Variants in RUFY3 observed in about 807,000 individuals in gnomAD.
RUFY3 encodes protein RUFY3.
Under a neutral mutation model 84.0 loss-of-function variants are expected in RUFY3, and 34 were observed. The ratio of observed to expected loss-of-function variants is 0.40; its 90% CI spans 0.31 to 0.54. The LOEUF is 0.54. Among genes scored for constraint, RUFY3 ranks in the 20% least tolerant of loss-of-function variants. The pLI, the probability that RUFY3 is intolerant of heterozygous loss-of-function variation, is 0.39. For synonymous variants in RUFY3, 242 were observed against 252.9 expected, an observed-to-expected ratio of 0.96 and a Z score of 0.41; for missense variants, 507 against 736.8, an observed-to-expected ratio of 0.69 and a Z score of 3.61.
intron 1 of RUFY3, among the ~76,000 whole-genome samples, chr4:70,740,167 G>A (rs1721100649): frequency 6.6e-6 from 1 of 152,114 alleles, no homozygotes; most frequent in South Asian, 2.1e-4. Flanking sequence ...AGAATGGCAT[G>A]TTACCTATTG....
chr4:70,792,741 G>A (rs564921873), intron 12 of RUFY3: 2 of 985,314 alleles, frequency 2.0e-6, no homozygotes, highest in Admixed American at 1.2e-4. Flanking sequence ...GATTCCATGT[G>A]TGCTTATATA....
At chr4:70,775,326 T>C in intron 7 of RUFY3, 93 bp downstream of exon 7, 1 of 800,326 alleles carries the variant, frequency 1.2e-6, no homozygotes, top group South Asian at 2.0e-5. Context: ...ATTCAGACAG[T>C]GTTCAACAAA....
upstream of RUFY3, among the ~76,000 whole-genome samples, chr4:70,721,331 G>A (rs1049560276): frequency 5.9e-5 from 9 of 151,886 alleles, no homozygotes; most frequent in Non-Finnish European, 1.3e-4. Context: ...CGTATTTTAT[G>A]CTTAATACAG....
rs567860496 is a variant in RUFY3 at position 70,775,097 on chromosome 4, T to A, written c.759-71T>A. The A allele has an allele frequency of 7.8e-4, 748 of 964,504 alleles. 1 individual carries two copies. The highest frequency in any genetic ancestry group is 9.1e-4 in the Non-Finnish European group (598 of 657,546). The allele number at this position is 964,504 out of a possible 1,614,324, so 59.7% of individuals were successfully genotyped here. ...TCTCATGTTTTATGAAAAGATGGGG[T>A]GGGGTGGGGTTGGGATCTTGGTATT... is the stretch of plus-strand genomic sequence containing the variant. On this transcript the variant is annotated intron_variant, in intron 6 of 17. Coordinates refer to ENST00000381006, the MANE Select transcript of RUFY3 (RefSeq NM_001037442.4).
At chr4:70,711,267 G>A (rs1005691326) in intron 1 of RUFY3, among the ~76,000 whole-genome samples, 12 of 151,996 alleles carry the variant, frequency 7.9e-5, no homozygotes, top group African/African-American at 2.7e-4. Context: ...CCTCAAGCAC[G>A]TGTTAATCAG....
intron 3 of RUFY3, 59 bp from the exon 4 acceptor site, chr4:70,764,416 C>A: frequency 8.7e-7 from 1 of 1,144,386 alleles, no homozygotes. Flanking sequence ...ACTGATTCTA[C>A]TGTAGCCTTT....
At chr4:70,794,952 A>T (rs1461784842) in intron 14 of RUFY3, 58 bp downstream of exon 14, 8 of 1,116,942 alleles carry the variant, frequency 7.2e-6, no homozygotes, top group Non-Finnish European at 1.1e-5. Context: ...TTTAGAGGCT[A>T]CCTTGATAGT....
intron 1 of RUFY3, among the ~76,000 whole-genome samples, chr4:70,731,624 G>A (rs1292016438): frequency 6.6e-6 from 1 of 152,134 alleles, no homozygotes; most frequent in Non-Finnish European, 1.5e-5. Flanking sequence ...CTGGAGTGCA[G>A]TGGCGCAGTC....
intron 14 of RUFY3, 88 bp from the exon 15 acceptor site, chr4:70,800,053 A>G: frequency 7.8e-7 from 1 of 1,274,864 alleles, no homozygotes; most frequent in Non-Finnish European, 1.1e-6. Flanking sequence ...CTTTATACCC[A>G]AACTAAGGCA....
chr4:70,705,280 G>C, exon 1 of RUFY3: 2 of 1,428,918 alleles, frequency 1.4e-6, no homozygotes, highest in Non-Finnish European at 1.8e-6. Flanking sequence ...GGCAGCAGCG[G>C]CAGCGGCAAG....
chr4:70,735,434 A>G (rs1421878460), intron 1 of RUFY3, among the ~76,000 whole-genome samples: 1 of 152,258 alleles, frequency 6.6e-6, no homozygotes, highest in African/African-American at 2.4e-5. Flanking sequence ...ATACATGTGT[A>G]GAGGAACAGT....
chr4:70,711,956 A>G (rs1741048710), intron 1 of RUFY3, among the ~76,000 whole-genome samples: 1 of 152,036 alleles, frequency 6.6e-6, no homozygotes. Context: ...CTGGCCTGGC[A>G]TTATCAAAAA....
intron 1 of RUFY3, among the ~76,000 whole-genome samples, chr4:70,745,271 T>C (rs1722018425): frequency 1.3e-5 from 2 of 152,310 alleles, no homozygotes; most frequent in Admixed American, 1.3e-4. Context: ...TGATGATTAG[T>C]TTCATATTCT....
At position 70,737,621 on chromosome 4, in the gene RUFY3, G is replaced by A. The variant is rs189692813; in HGVS notation, c.178+14870G>A. Among the ~76,000 whole-genome samples, 7 of 151,550 alleles carry A rather than the reference G, an allele frequency of 4.6e-5. 1 individual carries two copies. The highest frequency in any genetic ancestry group is 1.7e-4 in the African/African-American group (7 of 41,278). ...CTCCTTAGCGTTCTAGTGTCACCTA[G>A]CTGCTCACCTAAGAATCTGTTTTAT... On this transcript the variant is annotated intron_variant, in intron 1 of 17. Coordinates refer to ENST00000381006, the MANE Select transcript of RUFY3 (RefSeq NM_001037442.4).
At chr4:70,708,944 A>T (rs886408092) in intron 1 of RUFY3, among the ~76,000 whole-genome samples, 1 of 152,186 alleles carries the variant, frequency 6.6e-6, no homozygotes, top group Non-Finnish European at 1.5e-5. Flanking sequence ...TCTGGTGCCA[A>T]CTACTCAGGA....
rs765813373 is a variant in RUFY3 at position 70,806,587 on chromosome 4, T to G, written c.1791T>G (p.Ser597Arg). The G allele has an allele frequency of 2.6e-5, 42 of 1,614,086 alleles. No individual in the cohort carries two copies. Among genetic ancestry groups the G allele is most frequent in the Non-Finnish European group, 3.5e-5 (41 of 1,180,016 alleles). ...CSTNELPLPS[S>R]IKLERVCNPC... ...CAAATGAACTGCCTCTTCCTTCAAGTATCAAGCTTGAGCGAGTTTGCAATC... is the reference window on the plus strand; with the variant it reads ...CAAATGAACTGCCTCTTCCTTCAAGGATCAAGCTTGAGCGAGTTTGCAATC... The change falls in exon 18 of 18, where the codon AGT becomes AGG. Residue 597 changes from serine to arginine, a missense_variant. Ser to Arg is a moderately radical substitution (Grantham distance 110, BLOSUM62 -1). This residue lies in a region of RUFY3 where 334 missense variants were observed against 364.1 expected (regional missense o/e 0.92). Transcript: ENST00000381006.
At chr4:70,762,310 G>A (rs898180652) in intron 1 of RUFY3, among the ~76,000 whole-genome samples, 2 of 152,066 alleles carry the variant, frequency 1.3e-5, no homozygotes, top group Non-Finnish European at 2.9e-5. Flanking sequence ...GCAAGACCCT[G>A]TCTCAAAGAA....
At chr4:70,704,269 C>G (rs1279061668), upstream of RUFY3, 2 of 152,254 alleles carry the variant, frequency 1.3e-5, no homozygotes, top group Non-Finnish European at 2.9e-5. Flanking sequence ...AAGACACCCA[C>G]CTTTGGTTTC....
intron 8 of RUFY3, among the ~76,000 whole-genome samples, chr4:70,779,825 C>T (rs544038404): frequency 6.6e-6 from 1 of 152,124 alleles, no homozygotes; most frequent in Non-Finnish European, 1.5e-5. Context: ...CCGCCTGCCT[C>T]GGCCTTCCAA....
Sources: gnomAD v4.1 joint callset for allele counts (sites outside exome capture counted in the v4.1 genomes callset) on GRCh38, gnomAD v4.1.1 for gene constraint, gnomAD v4.1.1 regional missense constraint, MANE v1.5 for transcripts, NCBI Gene and HGNC (gene_info 2026-07-23, HGNC 2026-07-21) for gene names.